Variants in MLLT10 observed in about 807,000 individuals in gnomAD.
The protein encoded by MLLT10 is protein AF-10.
In MLLT10, 30 loss-of-function variants were observed where a neutral mutation model predicts 129.1. The observed-to-expected ratio is 0.23, with a 90% CI of 0.17 to 0.32. The LOEUF (loss-of-function observed/expected upper bound fraction) is 0.32, where lower values mean the gene tolerates loss of function less well. Among genes scored for constraint, MLLT10 ranks in the 10% least tolerant of loss-of-function variants. MLLT10 has a pLI of 1.00. For synonymous variants in MLLT10, 490 were observed against 446.4 expected (o/e 1.10, Z -1.23); for missense variants, 1,119 against 1,268.3 (o/e 0.88, Z 1.79).
intron 3 of MLLT10, among the ~76,000 whole-genome samples, chr10:21,586,029 A>G (rs1326015770): frequency 6.6e-6 from 1 of 152,114 alleles, no homozygotes; most frequent in Admixed American, 6.6e-5. Context: ...CCAAAGTTCT[A>G]AGATTTACAG....
At chr10:21,713,572 G>A (rs970787655) in intron 13 of MLLT10, among the ~76,000 whole-genome samples, 200 bp from the exon 14 acceptor site, 1 of 152,152 alleles carries the variant, frequency 6.6e-6, no homozygotes. Context: ...AATAAAAATG[G>A]TGTAGGTTCT....
At chr10:21,731,167 A>G in intron 17 of MLLT10, 113 bp downstream of exon 17, 1 of 950,492 alleles carries the variant, frequency 1.1e-6, no homozygotes, top group South Asian at 1.6e-5. Flanking sequence ...TATGATATAC[A>G]TTTTATATAA....
chr10:21,580,518 A>G (rs1473668242), intron 3 of MLLT10, among the ~76,000 whole-genome samples: 6 of 151,008 alleles, frequency 4.0e-5, no homozygotes, highest in Non-Finnish European at 2.9e-5. Context: ...CTTCCTGAGT[A>G]GTGGGGACTA....
chr10:21,657,863 T>G (rs1160424282), intron 9 of MLLT10, among the ~76,000 whole-genome samples: 1 of 152,150 alleles, frequency 6.6e-6, no homozygotes, highest in Non-Finnish European at 1.5e-5. Context: ...GTAAAATAAG[T>G]TAATTTTTAT....
intron 3 of MLLT10, among the ~76,000 whole-genome samples, chr10:21,558,357 C>A (rs917939913): frequency 6.6e-6 from 1 of 151,874 alleles, no homozygotes; most frequent in Non-Finnish European, 1.5e-5. Context: ...CCTAAAATAA[C>A]ATAAACTCCT....
intron 10 of MLLT10, among the ~76,000 whole-genome samples, chr10:21,672,153 G>A (rs2051489205): frequency 1.4e-5 from 2 of 146,164 alleles, no homozygotes; most frequent in African/African-American, 5.2e-5. Context: ...ACACTAACCT[G>A]TTTTCCAGGT....
At chr10:21,557,314 C>T in intron 3 of MLLT10, 1 of 403,956 alleles carries the variant, frequency 2.5e-6, no homozygotes, top group Non-Finnish European at 3.6e-6. Flanking sequence ...CCATTTTGTT[C>T]TTCAGTGACT....
rs562719864 is a variant in MLLT10 at position 21,689,769 on chromosome 10, G to GAAAAAAGAT, written c.1699+7515_1699+7523dup. 5.4e-3 allele frequency among the ~76,000 whole-genome samples: 816 copies of GAAAAAAGAT among 150,840 alleles called. 5 individuals carry two copies. The highest frequency in any genetic ancestry group is 0.019 in the African/African-American group (763 of 41,100). On this transcript the variant is annotated intron_variant, in intron 13 of 22. Transcript: ENST00000307729. ...GTTGAAAGCAGTTGGTGTTGAGTTG[G>GAAAAAAGAT]AAAAAAGATAATCAAACCTGTACTT...
intron 9 of MLLT10, among the ~76,000 whole-genome samples, chr10:21,655,397 C>T (rs550118791): frequency 6.6e-6 from 1 of 152,244 alleles, no homozygotes; most frequent in South Asian, 2.1e-4. Context: ...TGCTGTAGAA[C>T]AGAGTAGCCA....
intron 13 of MLLT10, among the ~76,000 whole-genome samples, chr10:21,712,241 C>G (rs1048186222): frequency 2.9e-5 from 3 of 103,986 alleles, no homozygotes; most frequent in Non-Finnish European, 5.7e-5. Flanking sequence ...CAGAGTCTTG[C>G]TTTATTGCCA....
intron 13 of MLLT10, among the ~76,000 whole-genome samples, chr10:21,687,918 T>C (rs780130164): frequency 7.9e-5 from 12 of 152,222 alleles, no homozygotes; most frequent in Admixed American, 2.6e-4. Context: ...ATTTGACTAA[T>C]TTAACACAGC....
chr10:21,646,135 G>T (rs1445647375), intron 8 of MLLT10, among the ~76,000 whole-genome samples: 1 of 152,166 alleles, frequency 6.6e-6, no homozygotes, highest in African/African-American at 2.4e-5. Flanking sequence ...GAACCTGGGA[G>T]GCGGAGGTTG....
At chr10:21,689,506 A>G (rs2053605452) in intron 13 of MLLT10, among the ~76,000 whole-genome samples, 1 of 147,854 alleles carries the variant, frequency 6.8e-6, no homozygotes, top group South Asian at 2.1e-4. Flanking sequence ...AGTTAGCATG[A>G]GCAATGGCAT....
At chr10:21,663,899 A>T (rs1314148456) in intron 9 of MLLT10, among the ~76,000 whole-genome samples, 1 of 152,076 alleles carries the variant, frequency 6.6e-6, no homozygotes, top group African/African-American at 2.4e-5. Flanking sequence ...CAATTCACTG[A>T]TATAAGAGTT....
chr10:21,542,283 T>G (rs943238176), intron 3 of MLLT10, among the ~76,000 whole-genome samples: 2 of 152,130 alleles, frequency 1.3e-5, no homozygotes, highest in African/African-American at 2.4e-5. Flanking sequence ...AAAAGGTGTA[T>G]TAGGGCTGGG....
chr10:21,594,983 A>G (rs182548555), intron 4 of MLLT10, among the ~76,000 whole-genome samples: 33 of 152,316 alleles, frequency 2.2e-4, no homozygotes, highest in Non-Finnish European at 2.9e-4. Flanking sequence ...TTTTGTCGTA[A>G]GTATTAAACT....
chr10:21,548,596 C>T (rs2036481046), intron 3 of MLLT10, among the ~76,000 whole-genome samples: 1 of 152,054 alleles, frequency 6.6e-6, no homozygotes, highest in Non-Finnish European at 1.5e-5. Flanking sequence ...GTCTTGATCT[C>T]CTGACTTCAT....
intron 9 of MLLT10, among the ~76,000 whole-genome samples, chr10:21,667,418 T>TTTCCTACTATTA (rs2050929484): frequency 6.6e-6 from 1 of 151,618 alleles, no homozygotes; most frequent in Non-Finnish European, 1.5e-5. Context: ...ATTTCTTCAG[T>TTTCCTACTATTA]TTTGTGGGGA....
chr10:21,672,168 AGTGTGTGTGTGTGTGT>A (rs55769872), intron 10 of MLLT10, among the ~76,000 whole-genome samples: 92 of 134,374 alleles, frequency 6.8e-4, no homozygotes, highest in African/African-American at 2.2e-3. Context: ...CCAGGTTTTC[AGTGTGTGTGTGTGTGT>A]GTGTGTGTGT....
Sources: gnomAD v4.1 joint callset for allele counts (sites outside exome capture counted in the v4.1 genomes callset) on GRCh38, gnomAD v4.1.1 for gene constraint, MANE v1.5 for transcripts, NCBI Gene and HGNC (gene_info 2026-07-23, HGNC 2026-07-21) for gene names.